Variants in NRXN1 observed in about 807,000 individuals in gnomAD.
The protein encoded by NRXN1 is neurexin-1.
A neutral mutation model predicts 150.9 loss-of-function variants in NRXN1; 39 were observed. The observed-to-expected ratio is 0.26, with a 90% CI of 0.20 to 0.34. The LOEUF (loss-of-function observed/expected upper bound fraction) is 0.34. NRXN1 is among the 10% of genes least tolerant of loss of function. The pLI is 1.00. For missense variants in NRXN1, 1,815 were observed against 1,949.9 expected (o/e 0.93, Z 1.30); for synonymous variants, 924 against 757.0 (o/e 1.22, Z -3.62).
chr2:50,726,361 C>A (rs1443621593), intron 5 of NRXN1, among the ~76,000 whole-genome samples: 2 of 152,132 alleles, frequency 1.3e-5, no homozygotes, highest in Non-Finnish European at 2.9e-5. Context: ...ATAGTAATAA[C>A]CTTAGCTGCG....
chr2:49,927,779 G>A (rs1669354806), intron 22 of NRXN1, among the ~76,000 whole-genome samples: 1 of 152,118 alleles, frequency 6.6e-6, no homozygotes, highest in Non-Finnish European at 1.5e-5. Context: ...GCATTAGCAT[G>A]CCATCAGATG....
At chr2:50,417,973 C>T (rs987956432) in intron 17 of NRXN1, among the ~76,000 whole-genome samples, 3 of 151,750 alleles carry the variant, frequency 2.0e-5, no homozygotes, top group African/African-American at 7.3e-5. Flanking sequence ...GAACGGAGTA[C>T]TGAGAAGTTT....
chr2:50,366,328 T>C (rs1231354521), intron 17 of NRXN1, among the ~76,000 whole-genome samples: 3 of 151,990 alleles, frequency 2.0e-5, no homozygotes, highest in African/African-American at 7.2e-5. Flanking sequence ...AGTATCTATA[T>C]AGAAACACCA....
At chr2:51,019,039 C>A (rs999007658) in intron 2 of NRXN1, among the ~76,000 whole-genome samples, 7 of 152,022 alleles carry the variant, frequency 4.6e-5, no homozygotes, top group African/African-American at 1.4e-4. Context: ...TAAGAGTCTG[C>A]CACAACCCTC....
intron 18 of NRXN1, among the ~76,000 whole-genome samples, chr2:50,123,599 T>C (rs749888382): frequency 2.8e-4 from 42 of 152,268 alleles, no homozygotes; most frequent in South Asian, 2.3e-3. Flanking sequence ...TCTTTGGGAA[T>C]AGGTTGAAAA....
chr2:50,424,692 G>C (rs1254668667), intron 17 of NRXN1, among the ~76,000 whole-genome samples: 2 of 152,078 alleles, frequency 1.3e-5, no homozygotes, highest in African/African-American at 4.8e-5. Flanking sequence ...TAAATACCCT[G>C]TTCTAGGCTA....
At chr2:50,688,705 G>T (rs564681993) in intron 5 of NRXN1, among the ~76,000 whole-genome samples, 80 of 152,212 alleles carry the variant, frequency 5.3e-4, no homozygotes, top group African/African-American at 1.9e-3. Flanking sequence ...TGTTGTTTTT[G>T]TTTAAAGCCA....
chr2:50,546,096 G>C (rs1286241624), intron 9 of NRXN1, among the ~76,000 whole-genome samples: 3 of 151,980 alleles, frequency 2.0e-5, no homozygotes, highest in African/African-American at 2.4e-5. Context: ...ATACATAACT[G>C]GTCTATTTTC....
At chr2:50,028,436 C>A (rs1264277081) in intron 21 of NRXN1, among the ~76,000 whole-genome samples, 1 of 152,156 alleles carries the variant, frequency 6.6e-6, no homozygotes, top group East Asian at 1.9e-4. Context: ...TGACCTTCAA[C>A]AGTCTTGTAA....
intron 21 of NRXN1, among the ~76,000 whole-genome samples, chr2:49,951,051 G>A (rs1673862921): frequency 6.6e-6 from 1 of 151,880 alleles, no homozygotes; most frequent in Non-Finnish European, 1.5e-5. Context: ...GTGGGTTTGA[G>A]TAGAAGAACT....
intron 18 of NRXN1, among the ~76,000 whole-genome samples, chr2:50,234,351 G>A (rs2065226058): frequency 6.6e-6 from 1 of 152,016 alleles, no homozygotes; most frequent in Admixed American, 6.6e-5. Context: ...AAAATTAGCT[G>A]GGCGTGGTGG....
chr2:50,122,483 G>C (rs1703998240), intron 18 of NRXN1, among the ~76,000 whole-genome samples: 1 of 150,846 alleles, frequency 6.6e-6, no homozygotes, highest in African/African-American at 2.4e-5. Context: ...AAAAGTGCAT[G>C]GTAACCCTAT....
intron 5 of NRXN1, among the ~76,000 whole-genome samples, chr2:50,886,144 A>G (rs1375409747): frequency 6.6e-6 from 1 of 151,330 alleles, no homozygotes; most frequent in Non-Finnish European, 1.5e-5. Context: ...ACATACACTG[A>G]TGACTTAATG....
intron 2 of NRXN1, among the ~76,000 whole-genome samples, chr2:51,015,264 G>T (rs1009087811): frequency 6.6e-6 from 1 of 151,366 alleles, no homozygotes; most frequent in Non-Finnish European, 1.5e-5. Context: ...CTCTCTTCTG[G>T]TCTTCTGTCT....
rs1284989729 is a variant in NRXN1, at chr2:50,196,771, G to A, written c.3546+40018C>T. Among the ~76,000 whole-genome samples the A allele has an allele frequency of 7.9e-5, 12 of 152,292 alleles. 1 individual carries two copies. The South Asian group carries it at 2.5e-3, about 32-fold the overall frequency. ...TGTCTTTTGCAGGAATATGGATGGA[G>A]CTAGAGGCCATTTTTCTCAGCAAAC... is the stretch of plus-strand genomic sequence containing the variant. On this transcript the variant is annotated intron_variant, in intron 18 of 22. Transcript: ENST00000401669.
chr2:50,143,842 GGATTTACT>G (rs1242700317), intron 18 of NRXN1, among the ~76,000 whole-genome samples: 2 of 151,700 alleles, frequency 1.3e-5, no homozygotes, highest in East Asian at 3.9e-4. Flanking sequence ...ATTTTTTAAT[GGATTTACT>G]GATTAAGCTT....
At chr2:49,958,808 G>C (rs746362441) in intron 21 of NRXN1, among the ~76,000 whole-genome samples, 7 of 152,140 alleles carry the variant, frequency 4.6e-5, no homozygotes, top group African/African-American at 1.4e-4. Flanking sequence ...TCTAGCTTTT[G>C]TCTTTTGTCA....
chr2:50,436,391 T>C (rs1187297194), intron 17 of NRXN1, among the ~76,000 whole-genome samples: 2 of 151,698 alleles, frequency 1.3e-5, no homozygotes, highest in African/African-American at 4.9e-5. Flanking sequence ...GGGCAGAGGC[T>C]GTGGTGGGCC....
At chr2:50,105,701 G>A (rs1308230066) in intron 18 of NRXN1, among the ~76,000 whole-genome samples, 1 of 151,898 alleles carries the variant, frequency 6.6e-6, no homozygotes, top group Non-Finnish European at 1.5e-5. Flanking sequence ...TTTCCCAAAG[G>A]TAATAAACCT....
Sources: allele counts gnomAD v4.1 joint callset (sites outside exome capture counted in the v4.1 genomes callset), GRCh38; gene constraint gnomAD v4.1.1; transcripts MANE v1.5; gene names NCBI Gene and HGNC (gene_info 2026-07-23, HGNC 2026-07-21).